The following PKD1L1 variants were observed in gnomAD, a reference collection of about 807,000 sequenced individuals.
PKD1L1 encodes polycystin 1 like 1, transient receptor potential channel interacting.
In PKD1L1, 236 loss-of-function variants were observed where a neutral mutation model predicts 323.4. The observed-to-expected ratio is 0.73, with a 90% confidence interval of 0.66 to 0.81. PKD1L1 has a LOEUF of 0.81. PKD1L1 is among the 40% of genes least tolerant of loss of function. PKD1L1 has a pLI of 0.00. For synonymous variants in PKD1L1, 1,344 were observed against 1,335.0 expected (o/e 1.01, Z -0.15); for missense variants, 3,320 against 3,508.0 (o/e 0.95, Z 1.35).
Position 47,936,855 on chromosome 7 carries a change from C to G in PKD1L1, c.389G>C (p.Ser130Thr), listed in dbSNP as rs748362569. Reference protein sequence around the residue: ...KTQAPLDCDNSADRIPHKPFI... With the variant: ...KTQAPLDCDNTADRIPHKPFI... ...TGGTACATTGACATACCTATCAGCA[C>G]TGTTATCACAATCCAGAGGCGCCTG... The change falls in exon 4 of 57, where the codon AGT (serine) becomes ACT (threonine). Residue 130 changes from serine to threonine, a missense_variant. Coordinates refer to ENST00000289672, the MANE Select transcript of PKD1L1 (RefSeq NM_138295.5). 21 of 1,610,514 alleles carry G rather than the reference C, an allele frequency of 1.3e-5. No homozygotes were observed. The South Asian group carries it at 2.2e-4, about 17-fold the overall frequency.
intron 12 of PKD1L1, 36 bp from the exon 13 acceptor site, chr7:47,902,547 A>G: frequency 6.2e-7 from 1 of 1,604,706 alleles, no homozygotes; most frequent in Non-Finnish European, 8.5e-7. Flanking sequence ...GAACAAATTT[A>G]TGTTGATGAA....
chr7:47,805,411 C>T (rs1027751543), intron 52 of PKD1L1, among the ~76,000 whole-genome samples: 2 of 134,390 alleles, frequency 1.5e-5, no homozygotes, highest in Non-Finnish European at 3.4e-5. Context: ...AGCTAAATTC[C>T]TCTAACTGTC....
chr7:47,904,111 C>T (rs1200516405), intron 12 of PKD1L1, among the ~76,000 whole-genome samples: 1 of 152,188 alleles, frequency 6.6e-6, no homozygotes, highest in Non-Finnish European at 1.5e-5. Flanking sequence ...CTCAAGATAT[C>T]ACTTTCAGTA....
the PKD1L1 span, among the ~76,000 whole-genome samples, chr7:47,955,520 T>TATCA: frequency 6.6e-6 from 1 of 152,258 alleles, no homozygotes; most frequent in African/African-American, 2.4e-5. Flanking sequence ...ATACTGTATC[T>TATCA]ATCAACATCT....
Position 47,904,336 on chromosome 7 carries a change from C to T in PKD1L1, c.1931+42G>A, listed in dbSNP as rs767833749. The T allele has an allele frequency of 6.8e-5, 110 of 1,611,674 alleles. 1 individual carries two copies. The East Asian group carries it at 9.1e-4, about 13-fold the overall frequency. On this transcript the variant is annotated intron_variant, in intron 12 of 56. Transcript: ENST00000289672. ...TGATGCCTTAAGACTCTGATTCCCG[C>T]GCTGTCTGTAGAGAGCACTCCGCCG...
rs143978732 is a variant in PKD1L1, at chr7:47,869,501, T to G, written c.3897-2887A>C. ...AAAAAAGAAATTAGACAAAAACAGA[T>G]AGTTGCAATAAAGAGGGACATTTCC... On this transcript the variant is annotated intron_variant, in intron 24 of 56. Coordinates refer to ENST00000289672, the MANE Select transcript of PKD1L1 (RefSeq NM_138295.5). Among the ~76,000 whole-genome samples, 435 of 152,160 alleles carry G rather than the reference T, an allele frequency of 2.9e-3. 1 individual carries two copies. The highest frequency in any genetic ancestry group is 0.017 in the Middle Eastern group (5 of 292).
At chr7:47,889,368 T>G (rs905178742) in intron 16 of PKD1L1, among the ~76,000 whole-genome samples, 4 of 137,216 alleles carry the variant, frequency 2.9e-5, no homozygotes, top group African/African-American at 1.4e-4. Context: ...TTTGTTAAAT[T>G]TAATGATTAA....
chr7:47,913,003 A>T (rs1191384393), intron 8 of PKD1L1, among the ~76,000 whole-genome samples: 1 of 152,034 alleles, frequency 6.6e-6, no homozygotes, highest in Non-Finnish European at 1.5e-5. Context: ...TTTCTGATTC[A>T]GTAGGTCTGC....
At chr7:47,869,678 C>A (rs937873674) in intron 24 of PKD1L1, among the ~76,000 whole-genome samples, 1 of 152,054 alleles carries the variant, frequency 6.6e-6, no homozygotes, top group Non-Finnish European at 1.5e-5. Context: ...ATGGATAGAA[C>A]CACCAGGCAG....
chr7:47,871,602 T>G (rs965039322), intron 24 of PKD1L1, among the ~76,000 whole-genome samples: 6 of 152,198 alleles, frequency 3.9e-5, no homozygotes. Flanking sequence ...GGGGATAGTT[T>G]GAACAGGAAT....
At chr7:47,890,965 A>G (rs1349575658) in intron 15 of PKD1L1, among the ~76,000 whole-genome samples, 6 of 152,154 alleles carry the variant, frequency 3.9e-5, no homozygotes, top group African/African-American at 1.4e-4. Flanking sequence ...GGGTGGGCTC[A>G]GGCCACCCCT....
At chr7:47,775,983 A>C (rs976160486) in intron 56 of PKD1L1, among the ~76,000 whole-genome samples, 3 of 152,208 alleles carry the variant, frequency 2.0e-5, no homozygotes, top group African/African-American at 7.2e-5. Context: ...AATATCAGGA[A>C]TGAGAGAGGT....
At position 47,929,427 on chromosome 7, in the gene PKD1L1, C is replaced by T; in HGVS notation, c.837G>A (p.Val279=). ...TATCAGAATTTCGAGCTAGGATGGC[C>T]ACAGGAGGATGCTGAGTAGGGGGAT... ...ILYPPTQHPP[V]AILARNSDNF... is the part of the protein sequence containing the mutation. The change falls in exon 7 of 57, where the codon GTG becomes GTA. Residue 279 remains valine, a synonymous_variant. Coordinates refer to ENST00000289672, the MANE Select transcript of PKD1L1 (RefSeq NM_138295.5). 1.2e-6 allele frequency: 2 copies of T among 1,614,048 alleles called. No individual in the cohort carries two copies.
At chr7:47,892,763 G>A (rs765608673) in intron 15 of PKD1L1, among the ~76,000 whole-genome samples, 2 of 152,110 alleles carry the variant, frequency 1.3e-5, no homozygotes, top group Non-Finnish European at 2.9e-5. Flanking sequence ...AGGGCTGCAG[G>A]GGAGGATGGA....
chr7:47,931,284 A>G lies in PKD1L1; in HGVS notation c.557T>C (p.Leu186Pro). The change falls in exon 6 of 57, where the codon CTG becomes CCG. Residue 186 changes from leucine (L) to proline (P), a missense_variant. Transcript: ENST00000289672. ...GTTSAAAPCS[L>P]KMEASCCVLR... The stretch of plus-strand genomic sequence containing the variant: ...GACACAGCAGGAAGCCTCCATCTTC[A>G]GGCTGCAGGGAGCTGCTGCAGAAGT... 6.2e-7 allele frequency: 1 copy of G among 1,614,250 alleles called. No homozygotes were observed. Among genetic ancestry groups the G allele is most frequent in the Non-Finnish European group, 8.5e-7 (1 of 1,180,040 alleles).
At chr7:47,842,844 A>C in intron 34 of PKD1L1, 118 bp downstream of exon 34, 1 of 955,796 alleles carries the variant, frequency 1.0e-6, no homozygotes, top group Non-Finnish European at 1.5e-6. Flanking sequence ...TTGCCTCAGC[A>C]ATGAGATGAG....
Position 47,829,428 on chromosome 7 carries a change from T to C in PKD1L1, c.6732A>G (p.Glu2244=), listed in dbSNP as rs1191936413. The C allele has an allele frequency of 2.5e-6, 4 of 1,588,224 alleles. No homozygotes were observed. The East Asian group carries it at 6.7e-5, about 27-fold the overall frequency. ...CTGCATAGGTAATTTTTTTTACTTTTTCAACCTCGCCTGCACAGTCAGGAA... is the reference window on the plus strand; with the variant it reads ...CTGCATAGGTAATTTTTTTTACTTTCTCAACCTCGCCTGCACAGTCAGGAA... ...CSIPDCAGEV[E]KVLAARQQAR... The change falls in exon 44 of 57, where the codon GAA becomes GAG. Residue 2244 remains glutamate, a synonymous_variant. Coordinates refer to ENST00000289672, the MANE Select transcript of PKD1L1 (RefSeq NM_138295.5).
intron 13 of PKD1L1, among the ~76,000 whole-genome samples, chr7:47,901,069 G>T (rs1323967023): frequency 6.6e-6 from 1 of 151,934 alleles, no homozygotes; most frequent in Non-Finnish European, 1.5e-5. Flanking sequence ...ACCGGGCAGG[G>T]TCCTTCAGGT....
At chr7:47,824,823 C>A (rs1226746517) in intron 45 of PKD1L1, among the ~76,000 whole-genome samples, 1 of 152,210 alleles carries the variant, frequency 6.6e-6, no homozygotes, top group East Asian at 1.9e-4. Context: ...GACACTACTA[C>A]ACTGTGTTCC....
Sources: gnomAD v4.1 joint callset for allele counts (sites outside exome capture counted in the v4.1 genomes callset) on GRCh38, gnomAD v4.1.1 for gene constraint, MANE v1.5 for transcripts, NCBI Gene and HGNC (gene_info 2026-07-23, HGNC 2026-07-21) for gene names.